Variants in LAMA3 observed in about 807,000 individuals in gnomAD.
LAMA3 encodes the protein laminin subunit alpha-3.
In LAMA3, 281 loss-of-function variants were observed where a neutral mutation model predicts 402.0. That is an observed-to-expected ratio of 0.70 (90% CI 0.63 to 0.77). LAMA3 has a LOEUF of 0.77. Ranked by LOEUF, LAMA3 falls within the 30% of genes least tolerant of loss-of-function variation. The pLI, the probability that LAMA3 is intolerant of heterozygous loss-of-function variation, is 0.00. For synonymous variants in LAMA3, 1,431 were observed against 1,558.4 expected, an observed-to-expected ratio of 0.92 and a Z score of 1.93; for missense variants, 3,840 against 4,215.5, an observed-to-expected ratio of 0.91 and a Z score of 2.47.
At position 23,928,217 on chromosome 18, in the gene LAMA3, A is replaced by G. The variant is rs2082063825; in HGVS notation, c.8272A>G (p.Lys2758Glu). Residue 2758 changes from lysine (K) to glutamate (E), a missense_variant, in exon 63 of 75, where the codon AAA becomes GAA. This residue lies in a region of LAMA3 where 840 missense variants were observed against 981.9 expected (regional missense o/e 0.86). Transcript: ENST00000313654. ...ATTGAATGATACTGTGGGAGTAACC[A>G]AAAAGTGCTCGGAAGACTGGAAGGT... ...VRLNDTVGVT[K>E]KCSEDWKLVR... is the part of the protein sequence containing the mutation. The G allele has an allele frequency of 6.2e-7, 1 of 1,610,974 alleles. No homozygotes were observed. The highest frequency in any genetic ancestry group is 8.5e-7 in the Non-Finnish European group (1 of 1,177,210).
intron 2 of LAMA3, among the ~76,000 whole-genome samples, chr18:23,747,319 C>T (rs1451032563): frequency 6.6e-6 from 1 of 152,098 alleles, no homozygotes; most frequent in Non-Finnish European, 1.5e-5. Context: ...GAAAGAAGGA[C>T]CGAAGCCCCA....
intron 41 of LAMA3, among the ~76,000 whole-genome samples, chr18:23,887,856 A>G (rs2080492706): frequency 6.6e-6 from 1 of 152,220 alleles, no homozygotes; most frequent in Non-Finnish European, 1.5e-5. Context: ...TGTTGTACCA[A>G]TGTCATTCGT....
chr18:23,911,735 C>T (rs1044335336), intron 55 of LAMA3, among the ~76,000 whole-genome samples: 1 of 148,476 alleles, frequency 6.7e-6, no homozygotes, highest in African/African-American at 2.5e-5. Flanking sequence ...GAAGCAGTTC[C>T]TTTAAAAGTG....
At chr18:23,873,779 T>G (rs1811774374) in intron 38 of LAMA3, among the ~76,000 whole-genome samples, 1 of 152,200 alleles carries the variant, frequency 6.6e-6, no homozygotes, top group Non-Finnish European at 1.5e-5. Context: ...GAAACTGGAT[T>G]AGGGACATAA....
intron 12 of LAMA3, among the ~76,000 whole-genome samples, chr18:23,808,956 T>G (rs545054860): frequency 5.9e-5 from 9 of 152,306 alleles, no homozygotes; most frequent in Admixed American, 1.3e-4. Context: ...TTTTGAAACC[T>G]TGCAAACAAG....
At position 23,833,900 on chromosome 18, in the gene LAMA3, G is replaced by A. The variant is rs1199431804; in HGVS notation, c.2896G>A (p.Ala966Thr). The change falls in exon 24 of 75, where the codon GCA (alanine) becomes ACA (threonine). Residue 966 changes from alanine to threonine, a missense_variant. Around this residue, in one of 3 missense-constraint regions of LAMA3, gnomAD observed 2,109 missense variants for 2,376.0 expected, o/e 0.89. Transcript: ENST00000313654. ...GGTTGTGGTCGAGTATTCCACGGAGGCAGCTCAGCTGTTTGTGGTTGATGT... is the reference window on the plus strand; with the variant it reads ...GGTTGTGGTCGAGTATTCCACGGAGACAGCTCAGCTGTTTGTGGTTGATGT... ...YVVVVEYSTEAAQLFVVDVNV... is the reference protein window; with the variant it reads ...YVVVVEYSTETAQLFVVDVNV... 2 of 1,614,170 alleles carry A rather than the reference G, an allele frequency of 1.2e-6. No individual in the cohort carries two copies. The highest frequency in any genetic ancestry group is 1.7e-6 in the Non-Finnish European group (2 of 1,180,042).
intron 12 of LAMA3, among the ~76,000 whole-genome samples, chr18:23,799,991 A>G (rs748489528): frequency 2.0e-5 from 3 of 152,190 alleles, no homozygotes; most frequent in Non-Finnish European, 2.9e-5. Context: ...GCTTTATTCA[A>G]AGTCTACTGA....
rs144200356 is a variant in LAMA3, at chr18:23,768,212, T to A, written c.1182+4689T>A. On this transcript the variant is annotated intron_variant, in intron 8 of 74. Coordinates refer to ENST00000313654, the MANE Select transcript of LAMA3 (RefSeq NM_198129.4). ...CAGAGTAAACAGACAGCCTACAGAG[T>A]GGGAGAAAATATTTGCAAACTGTGC... Among the ~76,000 whole-genome samples, 305 of 143,812 alleles carry A rather than the reference T, an allele frequency of 2.1e-3. 1 individual carries two copies. The highest frequency in any genetic ancestry group is 7.5e-3 in the African/African-American group (296 of 39,282). The allele number at this position is 143,812 out of a possible 152,430, so 94.3% of individuals were successfully genotyped here.
At chr18:23,692,827 T>C (rs940547668) in intron 1 of LAMA3, among the ~76,000 whole-genome samples, 5 of 152,154 alleles carry the variant, frequency 3.3e-5, no homozygotes, top group African/African-American at 1.2e-4. Context: ...TAGTACTTAT[T>C]CTGAAGATTA....
chr18:23,833,727 C>A (rs1447845999), intron 23 of LAMA3, 101 bp from the exon 24 acceptor site: 1 of 1,308,550 alleles, frequency 7.6e-7, no homozygotes, highest in Non-Finnish European at 1.1e-6. Context: ...AAAAATACTT[C>A]CAGGGTGTCT....
At position 23,943,851 on chromosome 18, in the gene LAMA3, T is replaced by A; in HGVS notation, c.9090T>A (p.Thr3030=). The A allele has an allele frequency of 6.2e-7, 1 of 1,614,004 alleles. No individual in the cohort carries two copies. The highest frequency in any genetic ancestry group is 8.5e-7 in the Non-Finnish European group (1 of 1,179,876). Reference sequence around the variant, plus strand: ...GAGGACTGGTGTTTCACACGGGCACTAAGAACTCCTTTATGGCTCTTTATC... The same window carrying A: ...GAGGACTGGTGTTTCACACGGGCACAAAGAACTCCTTTATGGCTCTTTATC... ...SSRGLVFHTG[T]KNSFMALYLS... The change falls in exon 69 of 75, where the codon ACT becomes ACA. Residue 3030 remains threonine (T), a synonymous_variant. Transcript: ENST00000313654.
intron 12 of LAMA3, among the ~76,000 whole-genome samples, chr18:23,808,519 T>C (rs903914590): frequency 6.6e-6 from 1 of 152,176 alleles, no homozygotes; most frequent in African/African-American, 2.4e-5. Context: ...TGGAACACAG[T>C]AGGCCTTCAA....
chr18:23,867,014 C>A (rs867386499), intron 36 of LAMA3, among the ~76,000 whole-genome samples: 2 of 152,326 alleles, frequency 1.3e-5, no homozygotes, highest in African/African-American at 4.8e-5. Flanking sequence ...TTAAGATGCA[C>A]ATGTGAGCCA....
At chr18:23,876,495 A>G (rs1284152436) in intron 39 of LAMA3, 88 bp downstream of exon 39, 13 of 836,610 alleles carry the variant, frequency 1.6e-5, no homozygotes, top group Non-Finnish European at 1.8e-5. Flanking sequence ...TCAACATTAC[A>G]TCTCCCGCCA....
At chr18:23,931,304 C>T in intron 65 of LAMA3, 103 bp downstream of exon 65, 1 of 932,054 alleles carries the variant, frequency 1.1e-6, no homozygotes, top group Non-Finnish European at 1.8e-6. Context: ...TCCTTGATAC[C>T]AAAAATACTT....
At position 23,921,039 on chromosome 18, in the gene LAMA3, C is replaced by T. The variant is rs35737354; in HGVS notation, c.8028C>T (p.Asn2676=). The T allele has an allele frequency of 3.6e-3, 5,860 of 1,613,974 alleles. 26 individuals are homozygous for T. Among genetic ancestry groups the T allele is most frequent in the Middle Eastern group, 4.8e-3 (29 of 6,060 alleles). The part of the protein sequence containing the change: ...KERGVGDAIN[N]GRDHSIQIKI... ...GAGGAGTTGGAGACGCCATAAACAA[C>T]GGCAGAGACCATTCGGTACACCTTT... The change falls in exon 61 of 75, where the codon AAC becomes AAT. Residue 2676 remains asparagine (N), a synonymous_variant. Coordinates refer to ENST00000313654, the MANE Select transcript of LAMA3 (RefSeq NM_198129.4).
chr18:23,707,704 T>C (rs907910764), intron 1 of LAMA3, among the ~76,000 whole-genome samples: 1 of 152,160 alleles, frequency 6.6e-6, no homozygotes, highest in Non-Finnish European at 1.5e-5. Context: ...TTTCACTATG[T>C]TGCTCAGGCT....
chr18:23,932,134 C>T lies in LAMA3; in HGVS notation c.8577-26C>T, dbSNP rs1363290190. The T allele has an allele frequency of 3.7e-6, 6 of 1,613,272 alleles. No homozygotes were observed. In the Middle Eastern group the frequency reaches 6.9e-4, roughly 187 times the overall value. ...GCCCTTTTTTCCAGCAGTTCTCACCCATGATTTGCTTTTCTTCCCTTTCAG... is the reference window on the plus strand; with the variant it reads ...GCCCTTTTTTCCAGCAGTTCTCACCTATGATTTGCTTTTCTTCCCTTTCAG... On this transcript the variant is annotated intron_variant, in intron 65 of 74. Coordinates refer to ENST00000313654, the MANE Select transcript of LAMA3 (RefSeq NM_198129.4).
intron 32 of LAMA3, among the ~76,000 whole-genome samples, chr18:23,848,393 C>T (rs768711241): frequency 7.2e-5 from 11 of 152,190 alleles, no homozygotes; most frequent in Non-Finnish European, 1.3e-4. Context: ...CACATGGTTC[C>T]AGGTGACAAG....
Sources: allele counts gnomAD v4.1 joint callset (sites outside exome capture counted in the v4.1 genomes callset), GRCh38; gene constraint gnomAD v4.1.1; regional missense constraint gnomAD v4.1.1; transcripts MANE v1.5; gene names NCBI Gene and HGNC (gene_info 2026-07-23, HGNC 2026-07-21).